The following EXOC4 variants were observed in gnomAD, a reference collection of about 807,000 sequenced individuals.
The protein encoded by EXOC4 is SEC8-like 1.
Under a neutral mutation model 107.2 loss-of-function variants are expected in EXOC4, and 71 were observed. That is an observed-to-expected ratio of 0.66 (90% confidence interval 0.55 to 0.81). EXOC4 has a LOEUF of 0.81. Among genes scored for constraint, EXOC4 ranks in the 30% least tolerant of loss-of-function variants. The pLI is 0.00. For synonymous variants in EXOC4, 456 were observed against 441.2 expected (o/e 1.03, Z -0.42); for missense variants, 1,108 against 1,189.6 (o/e 0.93, Z 1.01).
At chr7:134,079,183 A>G in the EXOC4 span, among the ~76,000 whole-genome samples, 5 of 152,200 alleles carry the variant, frequency 3.3e-5, no homozygotes. Flanking sequence ...TTAGCAAGAG[A>G]ACGTAAACAT....
intron 7 of EXOC4, among the ~76,000 whole-genome samples, chr7:133,461,237 C>G (rs1798585865): frequency 6.6e-6 from 1 of 152,176 alleles, no homozygotes; most frequent in African/African-American, 2.4e-5. Flanking sequence ...CCTTAAAGAA[C>G]AGAACCACTG....
chr7:133,922,333 A>C (rs528290483), intron 13 of EXOC4, among the ~76,000 whole-genome samples: 1 of 152,226 alleles, frequency 6.6e-6, no homozygotes, highest in South Asian at 2.1e-4. Flanking sequence ...GCCTCTTCAA[A>C]AGTTACCCTT....
rs117189153 is a variant in EXOC4 at position 133,979,020 on chromosome 7, G to A, written c.2207-18472G>A. Among the ~76,000 whole-genome samples, 46 of 152,280 alleles carry A rather than the reference G, an allele frequency of 3.0e-4. No individual in the cohort carries two copies. In the East Asian group the frequency reaches 8.7e-3, roughly 29 times the overall value. ...AGTCTAGAGTAATAGGAAGGTGAACGTATTTCCAAGAAAGCAGATAAAATA... is the reference window on the plus strand; with the variant it reads ...AGTCTAGAGTAATAGGAAGGTGAACATATTTCCAAGAAAGCAGATAAAATA... On this transcript the variant is annotated intron_variant, in intron 14 of 17. Coordinates refer to ENST00000253861, the MANE Select transcript of EXOC4 (RefSeq NM_021807.4).
chr7:133,538,919 A>C, intron 9 of EXOC4, among the ~76,000 whole-genome samples: 1 of 146,992 alleles, frequency 6.8e-6, no homozygotes, highest in South Asian at 2.2e-4. Flanking sequence ...GAAGGAGGGA[A>C]GGAAGGAAGG....
intron 9 of EXOC4, among the ~76,000 whole-genome samples, chr7:133,599,234 AC>A (rs1801751142): frequency 6.6e-6 from 1 of 152,186 alleles, no homozygotes; most frequent in Admixed American, 6.5e-5. Context: ...ATTGGTTGGC[AC>A]TGTTATAAAG....
At position 133,835,107 on chromosome 7, in the gene EXOC4, A is replaced by AT. The variant is rs201268214; in HGVS notation, c.1734+17564dup. Among the ~76,000 whole-genome samples the AT allele has an allele frequency of 5.9e-3, 898 of 152,308 alleles. 5 individuals carry two copies. Among genetic ancestry groups the AT allele is most frequent in the South Asian group, 7.9e-3 (38 of 4,826 alleles). On this transcript the variant is annotated intron_variant, in intron 11 of 17. Transcript: ENST00000253861. ...TAAATCCATTAAACCTCTTTCCTGT[A>AT]TGAATTTCCCAGTCTTGGGTATGCC...
chr7:133,872,408 A>C (rs1390683427), intron 11 of EXOC4, among the ~76,000 whole-genome samples: 1 of 152,158 alleles, frequency 6.6e-6, no homozygotes, highest in Non-Finnish European at 1.5e-5. Context: ...ACAGAGTGAG[A>C]GATGTGTGTC....
At chr7:133,716,810 C>T (rs1038920411) in intron 10 of EXOC4, among the ~76,000 whole-genome samples, 8 of 151,890 alleles carry the variant, frequency 5.3e-5, no homozygotes, top group African/African-American at 1.7e-4. Flanking sequence ...TGTGGTGGTG[C>T]GCACCTGTAT....
At chr7:133,859,556 C>T (rs374249230) in intron 11 of EXOC4, among the ~76,000 whole-genome samples, 3 of 152,062 alleles carry the variant, frequency 2.0e-5, no homozygotes, top group East Asian at 1.9e-4. Flanking sequence ...GGTTTATTCA[C>T]GGAATAGTGG....
At chr7:133,630,896 A>G (rs1382383523) in intron 10 of EXOC4, among the ~76,000 whole-genome samples, 1 of 152,152 alleles carries the variant, frequency 6.6e-6, no homozygotes, top group East Asian at 1.9e-4. Context: ...AATCCTAAAT[A>G]CTTTTAAAAA....
chr7:134,020,768 T>C (rs187720906), intron 17 of EXOC4, among the ~76,000 whole-genome samples: 270 of 152,178 alleles, frequency 1.8e-3, no homozygotes, highest in African/African-American at 4.7e-3. Flanking sequence ...GGTGGATCAC[T>C]TGAGGTCAGG....
At chr7:134,046,010 C>A (rs575862270) in intron 17 of EXOC4, among the ~76,000 whole-genome samples, 3 of 152,266 alleles carry the variant, frequency 2.0e-5, no homozygotes, top group Admixed American at 2.0e-4. Context: ...GGCCTACAGC[C>A]TGCTCTCTTT....
intron 9 of EXOC4, among the ~76,000 whole-genome samples, chr7:133,610,479 T>A (rs1339960225): frequency 1.3e-5 from 2 of 152,204 alleles, no homozygotes; most frequent in Non-Finnish European, 2.9e-5. Flanking sequence ...CCAACCTGTT[T>A]ATTTTAATAC....
intron 10 of EXOC4, among the ~76,000 whole-genome samples, chr7:133,647,831 T>A: frequency 6.6e-6 from 1 of 152,214 alleles, no homozygotes; most frequent in East Asian, 1.9e-4. Context: ...CATGGAAGAT[T>A]TCTGGTTCAT....
intron 13 of EXOC4, among the ~76,000 whole-genome samples, chr7:133,927,764 A>C (rs1800084410): frequency 6.6e-6 from 1 of 152,228 alleles, no homozygotes; most frequent in African/African-American, 2.4e-5. Flanking sequence ...AATGAGATGA[A>C]GGTCATAGAT....
chr7:134,070,396 A>G (rs180919994), downstream of EXOC4, among the ~76,000 whole-genome samples: 24 of 152,364 alleles, frequency 1.6e-4, no homozygotes, highest in Admixed American at 1.4e-3. Flanking sequence ...TAAGATGCAC[A>G]CCACAGGTTT....
At chr7:134,059,187 C>T (rs1795998327) in intron 17 of EXOC4, among the ~76,000 whole-genome samples, 2 of 152,120 alleles carry the variant, frequency 1.3e-5, no homozygotes, top group African/African-American at 4.8e-5. Context: ...ACAAGAGTTG[C>T]CATGGGCGGG....
chr7:133,819,277 C>CTT (rs59308684), intron 11 of EXOC4, among the ~76,000 whole-genome samples: 49,077 of 142,566 alleles, frequency 0.34, 9,910 homozygotes, highest in African/African-American at 0.53. Context: ...AAATGGAATA[C>CTT]TTTTTTTTTT....
intron 11 of EXOC4, among the ~76,000 whole-genome samples, chr7:133,849,860 CTT>C (rs1281570014): frequency 1.3e-5 from 2 of 152,200 alleles, no homozygotes; most frequent in South Asian, 2.1e-4. Flanking sequence ...AAAAAGGTCT[CTT>C]GTCTAAAAGT....
Sources: gnomAD v4.1 joint callset for allele counts (sites outside exome capture counted in the v4.1 genomes callset) on GRCh38, gnomAD v4.1.1 for gene constraint, MANE v1.5 for transcripts, NCBI Gene and HGNC (gene_info 2026-07-23, HGNC 2026-07-21) for gene names.